The following HYCC2 variants were observed in gnomAD, a reference collection of about 807,000 sequenced individuals.
HYCC2 encodes hyccin PI4KA lipid kinase complex subunit 2.
the HYCC2 span, among the ~76,000 whole-genome samples, chr2:200,998,701 T>C: frequency 6.6e-6 from 1 of 152,234 alleles, no homozygotes; most frequent in African/African-American, 2.4e-5. Context: ...TTTAGAGACC[T>C]TTTTAAAAAC....
the HYCC2 span, among the ~76,000 whole-genome samples, chr2:201,031,600 G>C: frequency 1.3e-5 from 2 of 152,162 alleles, no homozygotes; most frequent in African/African-American, 2.4e-5. Context: ...GCGGTGAGCC[G>C]AGACAGCGCC....
chr2:201,058,474 G>A, the HYCC2 span, among the ~76,000 whole-genome samples: 1 of 152,250 alleles, frequency 6.6e-6, no homozygotes, highest in African/African-American at 2.4e-5. Flanking sequence ...ACTTTGGGAA[G>A]CCAAGGCGGG....
At chr2:200,998,497 G>A in the HYCC2 span, among the ~76,000 whole-genome samples, 1 of 152,140 alleles carries the variant, frequency 6.6e-6, no homozygotes, top group African/African-American at 2.4e-5. Context: ...ACGCCTCTAT[G>A]TCTCTTTCAC....
the HYCC2 span, chr2:201,052,257 A>T: frequency 6.5e-6 from 1 of 153,220 alleles, no homozygotes; most frequent in African/African-American, 2.4e-5. Flanking sequence ...AGATCACGCC[A>T]CTGCACTCCA....
chr2:201,042,142 G>A, the HYCC2 span, among the ~76,000 whole-genome samples: 2 of 152,204 alleles, frequency 1.3e-5, no homozygotes, highest in Non-Finnish European at 2.9e-5. Context: ...TTTTTTGGTG[G>A]AGACAGGGTT....
At chr2:201,018,993 A>G in the HYCC2 span, among the ~76,000 whole-genome samples, 1 of 152,236 alleles carries the variant, frequency 6.6e-6, no homozygotes, top group Non-Finnish European at 1.5e-5. Flanking sequence ...GAATGGAGGT[A>G]TAGATTGTTT....
chr2:201,056,413 G>A, the HYCC2 span, among the ~76,000 whole-genome samples: 5 of 152,016 alleles, frequency 3.3e-5, no homozygotes, highest in African/African-American at 9.7e-5. Flanking sequence ...AGTGGCTTAC[G>A]CCTGTAATCC....
At chr2:201,049,401 G>A in the HYCC2 span, among the ~76,000 whole-genome samples, 1 of 151,972 alleles carries the variant, frequency 6.6e-6, no homozygotes, top group Non-Finnish European at 1.5e-5. Context: ...CCAGGCTGGA[G>A]TGCACTGGCG....
chr2:201,065,661 G>T, the HYCC2 span, among the ~76,000 whole-genome samples: 1 of 152,232 alleles, frequency 6.6e-6, no homozygotes. Flanking sequence ...GCATTGCTCA[G>T]ATGAAGCGTA....
chr2:201,064,573 G>C, the HYCC2 span, among the ~76,000 whole-genome samples: 1 of 152,056 alleles, frequency 6.6e-6, no homozygotes, highest in Non-Finnish European at 1.5e-5. Flanking sequence ...GTTGTGACCT[G>C]AAGTTCACCA....
At chr2:201,063,091 G>A in the HYCC2 span, 6 of 1,609,362 alleles carry the variant, frequency 3.7e-6, no homozygotes, top group East Asian at 2.2e-5. Flanking sequence ...CTGCCGTCAT[G>A]TCTAAGTCAG....
chr2:201,023,937 T>C, the HYCC2 span: 1 of 1,583,026 alleles, frequency 6.3e-7, no homozygotes. Flanking sequence ...TATAATACAT[T>C]CTGATCTCCA....
chr2:201,027,014 T>G, the HYCC2 span, among the ~76,000 whole-genome samples: 7,193 of 152,102 alleles, frequency 0.047, 546 homozygotes, highest in African/African-American at 0.16. Flanking sequence ...AAAAAATCCA[T>G]GAATCCAGGA....
the HYCC2 span, among the ~76,000 whole-genome samples, chr2:201,028,642 C>A: frequency 2.6e-4 from 40 of 151,466 alleles, 1 homozygote; most frequent in African/African-American, 8.7e-4. Context: ...CAGAACAGAG[C>A]CCTCAGAAAT....
the HYCC2 span, among the ~76,000 whole-genome samples, chr2:201,036,647 C>T: frequency 2.0e-5 from 3 of 152,210 alleles, no homozygotes; most frequent in African/African-American, 7.2e-5. Context: ...ACAAAAACCA[C>T]ATGATTATCT....
At chr2:201,031,993 G>A in the HYCC2 span, among the ~76,000 whole-genome samples, 3 of 151,974 alleles carry the variant, frequency 2.0e-5, no homozygotes, top group South Asian at 2.1e-4. Context: ...ACAGAGTCTC[G>A]CTCTGTTGCC....
the HYCC2 span, chr2:201,045,557 G>C: frequency 2.5e-6 from 1 of 398,068 alleles, no homozygotes; most frequent in Non-Finnish European, 4.4e-6. Context: ...AGTTCAAGTG[G>C]GGAATTCATT....
At chr2:201,006,669 T>A in the HYCC2 span, among the ~76,000 whole-genome samples, 1 of 152,132 alleles carries the variant, frequency 6.6e-6, no homozygotes, top group Admixed American at 6.6e-5. Context: ...TATATGATGA[T>A]GAACTGGGAT....
At chr2:201,031,282 C>G in the HYCC2 span, among the ~76,000 whole-genome samples, 1 of 152,108 alleles carries the variant, frequency 6.6e-6, no homozygotes, top group Admixed American at 6.6e-5. Flanking sequence ...ATATATAAGA[C>G]TTTTAAAACT....
Sources: allele counts gnomAD v4.1 joint callset (sites outside exome capture counted in the v4.1 genomes callset), GRCh38; gene constraint gnomAD v4.1.1; transcripts MANE v1.5; gene names NCBI Gene and HGNC (gene_info 2026-07-23, HGNC 2026-07-21).